Variants in COL15A1 observed in about 807,000 individuals in gnomAD.
COL15A1 encodes collagen alpha-1(XV) chain.
A neutral mutation model predicts 165.9 loss-of-function variants in COL15A1; 111 were observed. The ratio of observed to expected loss-of-function variants is 0.67; its 90% confidence interval spans 0.57 to 0.78. The LOEUF (loss-of-function observed/expected upper bound fraction) is 0.78. COL15A1 is among the 30% of genes least tolerant of loss of function. COL15A1 has a pLI of 0.00. For synonymous variants in COL15A1, 659 were observed against 674.8 expected, an observed-to-expected ratio of 0.98 and a Z score of 0.36; for missense variants, 1,745 against 1,789.7, an observed-to-expected ratio of 0.98 and a Z score of 0.45.
chr9:98,983,355 G>A (rs4743303), intron 2 of COL15A1, among the ~76,000 whole-genome samples: 31,691 of 152,032 alleles, frequency 0.21, 3,719 homozygotes, highest in African/African-American at 0.31. Context: ...AGGCAGACTA[G>A]GTGGAGCCCC....
At chr9:99,022,648 C>T (rs1266546102) in intron 13 of COL15A1, among the ~76,000 whole-genome samples, 1 of 152,208 alleles carries the variant, frequency 6.6e-6, no homozygotes, top group Non-Finnish European at 1.5e-5. Flanking sequence ...ACACATGTTC[C>T]CACCACTGTG....
chr9:99,065,909 G>A (rs953370091), intron 39 of COL15A1, among the ~76,000 whole-genome samples: 1 of 151,782 alleles, frequency 6.6e-6, no homozygotes, highest in African/African-American at 2.4e-5. Flanking sequence ...CTGGTCACTG[G>A]GACACACAGA....
chr9:98,951,156 C>T (rs1159574284), intron 2 of COL15A1, among the ~76,000 whole-genome samples: 4 of 152,200 alleles, frequency 2.6e-5, no homozygotes, highest in Admixed American at 6.5e-5. Context: ...GGACAATTGT[C>T]TAGAGCTGGC....
At chr9:98,944,329 G>C in intron 2 of COL15A1, 79 bp downstream of exon 2, 1 of 1,337,516 alleles carries the variant, frequency 7.5e-7, no homozygotes, top group South Asian at 1.2e-5. Context: ...GGACGCGGCT[G>C]CGATGCGTGC....
intron 2 of COL15A1, among the ~76,000 whole-genome samples, chr9:98,971,904 G>A (rs1375187103): frequency 6.6e-6 from 1 of 152,190 alleles, no homozygotes; most frequent in Non-Finnish European, 1.5e-5. Flanking sequence ...CTTATCCGCT[G>A]GGCCTGTTCA....
chr9:99,031,618 C>CTTTGCT (rs1364697467), intron 16 of COL15A1, among the ~76,000 whole-genome samples: 2 of 152,196 alleles, frequency 1.3e-5, no homozygotes, highest in Non-Finnish European at 1.5e-5. Flanking sequence ...TCATACTCAA[C>CTTTGCT]TAGAGTCCCA....
At position 98,986,116 on chromosome 9, in the gene COL15A1, AGTT is replaced by A; in HGVS notation, c.648+5_648+7del. ...TACAGGGCTCGAGAGATTCACTGTG[AGTT>A]AAAGTCCCACTCCAGGTAGATCAGG... On this transcript the variant is annotated splice_donor_5th_base_variant and intron_variant, in intron 3 of 41. Coordinates refer to ENST00000375001, the MANE Select transcript of COL15A1 (RefSeq NM_001855.5). 1 of 1,609,296 alleles carries A rather than the reference AGTT, an allele frequency of 6.2e-7. No homozygotes were observed. Among genetic ancestry groups the A allele is most frequent in the Non-Finnish European group, 8.5e-7 (1 of 1,176,782 alleles).
At chr9:99,003,791 C>T (rs1489219406) in intron 8 of COL15A1, among the ~76,000 whole-genome samples, 1 of 152,192 alleles carries the variant, frequency 6.6e-6, no homozygotes, top group Non-Finnish European at 1.5e-5. Flanking sequence ...GGCACTAGGC[C>T]TGGTTTCAGG....
At chr9:98,954,562 T>C (rs1458900767) in intron 2 of COL15A1, among the ~76,000 whole-genome samples, 2 of 152,252 alleles carry the variant, frequency 1.3e-5, no homozygotes, top group African/African-American at 4.8e-5. Context: ...GTAATTAAAC[T>C]TTTAGGCTGT....
At chr9:98,970,779 G>A (rs892340528) in intron 2 of COL15A1, among the ~76,000 whole-genome samples, 4 of 152,272 alleles carry the variant, frequency 2.6e-5, no homozygotes, top group South Asian at 2.1e-4. Flanking sequence ...AGGTAAGTGT[G>A]TGCATGTGTC....
At chr9:99,029,467 A>G (rs901637604) in intron 16 of COL15A1, among the ~76,000 whole-genome samples, 2 of 152,266 alleles carry the variant, frequency 1.3e-5, no homozygotes, top group Non-Finnish European at 2.9e-5. Context: ...TATAAGAAAG[A>G]AAAGAGAAGT....
At chr9:98,983,420 A>G (rs73653699) in intron 2 of COL15A1, among the ~76,000 whole-genome samples, 4,511 of 152,310 alleles carry the variant, frequency 0.03, 195 homozygotes, top group African/African-American at 0.095. Flanking sequence ...GCAGTGAATC[A>G]GCCAGAAATC....
chr9:99,003,466 C>T lies in COL15A1; in HGVS notation c.1079C>T (p.Thr360Ile), dbSNP rs1259423265. The T allele has an allele frequency of 2.0e-5, 31 of 1,516,556 alleles. No homozygotes were observed. Among genetic ancestry groups the T allele is most frequent in the Non-Finnish European group, 2.7e-5 (31 of 1,131,162 alleles). The allele number at this position is 1,516,556 out of a possible 1,614,324, so 93.9% of individuals were successfully genotyped here. Reference protein sequence around the residue: ...DIAEEKNLAATAAGLAEVPIS... With the variant: ...DIAEEKNLAAIAAGLAEVPIS... ...CTTTGTTTTCAGAATTTAGCAGCAA[C>T]AGCAGCGGGGCTGGCCGAGGTGCCC... Residue 360 changes from threonine to isoleucine, a missense_variant, in exon 8 of 42, where the codon ACA (threonine) becomes ATA (isoleucine). Thr to Ile is a moderately conservative substitution (Grantham distance 89, BLOSUM62 -1). Coordinates refer to ENST00000375001, the MANE Select transcript of COL15A1 (RefSeq NM_001855.5).
intron 2 of COL15A1, among the ~76,000 whole-genome samples, chr9:98,951,302 A>G (rs1299345636): frequency 6.6e-6 from 1 of 152,214 alleles, no homozygotes; most frequent in Non-Finnish European, 1.5e-5. Context: ...TCACCCATCA[A>G]AGAACAGAAC....
In COL15A1 at chr9:99,054,573, C is replaced by A; in HGVS notation, c.2951-3C>A. 6.2e-7 allele frequency: 1 copy of A among 1,601,300 alleles called. No individual in the cohort carries two copies. Among genetic ancestry groups the A allele is most frequent in the Admixed American group, 1.8e-5 (1 of 56,698 alleles). On this transcript the variant is annotated splice_polypyrimidine_tract_variant and splice_region_variant and intron_variant, in intron 31 of 41. Transcript: ENST00000375001. ...TTTTTAACATGTATGTGTTTGGTGG[C>A]AGGTGTTAAAGGAGAGAAAGGATCC...
chr9:99,055,424 G>A (rs776651032), intron 34 of COL15A1, 52 bp downstream of exon 34: 52 of 1,171,882 alleles, frequency 4.4e-5, no homozygotes, highest in Admixed American at 1.0e-4. Context: ...CAGCTTTCCC[G>A]GAAGCCCCCA....
intron 22 of COL15A1, 54 bp from the exon 23 acceptor site, chr9:99,040,467 G>T: frequency 3.1e-6 from 5 of 1,614,030 alleles, no homozygotes; most frequent in Non-Finnish European, 4.2e-6. Flanking sequence ...GGGTCCTGCT[G>T]ACTCTGGAAA....
chr9:99,031,881 TCA>T (rs1209442793), intron 16 of COL15A1, among the ~76,000 whole-genome samples: 6 of 152,238 alleles, frequency 3.9e-5, no homozygotes, highest in Non-Finnish European at 7.3e-5. Flanking sequence ...AGTCATATTT[TCA>T]CAGACTGTCT....
At chr9:98,956,178 C>T (rs148572796) in intron 2 of COL15A1, among the ~76,000 whole-genome samples, 2,755 of 152,246 alleles carry the variant, frequency 0.018, 96 homozygotes, top group African/African-American at 0.063. Context: ...TGGTGGTGCA[C>T]GCCTGTGGTC....
Sources: allele counts gnomAD v4.1 joint callset (sites outside exome capture counted in the v4.1 genomes callset), GRCh38; gene constraint gnomAD v4.1.1; transcripts MANE v1.5; gene names NCBI Gene and HGNC (gene_info 2026-07-23, HGNC 2026-07-21).